The following STK32B variants were observed in gnomAD, a reference collection of about 807,000 sequenced individuals.
The protein encoded by STK32B is serine/threonine kinase 32B, also known as serine/threonine-protein kinase 32B.
In STK32B, 43 loss-of-function variants were observed where a neutral mutation model predicts 52.6. That is an observed-to-expected ratio of 0.82 (90% CI 0.64 to 1.05). The LOEUF (loss-of-function observed/expected upper bound fraction) is 1.05. Ranked by LOEUF, STK32B falls within the 50% of genes least tolerant of loss-of-function variation. The pLI, the probability that STK32B is intolerant of heterozygous loss-of-function variation, is 0.00. For missense variants in STK32B, 621 were observed against 534.6 expected (o/e 1.16, Z -1.59); for synonymous variants, 238 against 204.3 (o/e 1.17, Z -1.41).
Position 5,326,555 on chromosome 4 carries a change from G to T in STK32B, c.261-4665G>T, listed in dbSNP as rs78231136. On this transcript the variant is annotated intron_variant, in intron 3 of 11. Transcript: ENST00000282908. Reference sequence around the variant, plus strand: ...AGACAGGTCTTATTGACATTTTTTCGTTTTCTAGTGCCTTTAAAAGTTATG... The same window carrying T: ...AGACAGGTCTTATTGACATTTTTTCTTTTTCTAGTGCCTTTAAAAGTTATG... 9.2e-3 allele frequency among the ~76,000 whole-genome samples: 1,399 copies of T among 151,998 alleles called. 51 individuals carry two copies. In the East Asian group the frequency reaches 0.11, roughly 12 times the overall value.
chr4:5,140,329 T>C, intron 2 of STK32B: 3 of 1,256,864 alleles, frequency 2.4e-6, no homozygotes, highest in Non-Finnish European at 3.1e-6. Context: ...TTGTGATCTT[T>C]GACTATTTTT....
chr4:5,206,044 C>A (rs541739799), intron 3 of STK32B, among the ~76,000 whole-genome samples: 5 of 152,278 alleles, frequency 3.3e-5, no homozygotes, highest in Middle Eastern at 3.4e-3. Context: ...GGAAGTTGAA[C>A]CAAAAATCTT....
chr4:5,323,645 C>G (rs1231639293), intron 3 of STK32B, among the ~76,000 whole-genome samples: 1 of 152,226 alleles, frequency 6.6e-6, no homozygotes, highest in East Asian at 1.9e-4. Flanking sequence ...CAATGCCCCA[C>G]TTCTGTGTAG....
intron 5 of STK32B, among the ~76,000 whole-genome samples, chr4:5,407,437 G>A (rs1398227265): frequency 1.3e-5 from 2 of 152,032 alleles, no homozygotes; most frequent in Admixed American, 6.6e-5. Context: ...TTATAGCAGT[G>A]TCCCACTACT....
At chr4:5,030,197 A>G in the STK32B span, among the ~76,000 whole-genome samples, 1 of 152,236 alleles carries the variant, frequency 6.6e-6, no homozygotes, top group Non-Finnish European at 1.5e-5. Context: ...TAGAAAACCA[A>G]TACATGGACT....
intron 1 of STK32B, among the ~76,000 whole-genome samples, chr4:5,090,539 A>G (rs927637210): frequency 6.6e-6 from 1 of 151,520 alleles, no homozygotes; most frequent in Admixed American, 6.6e-5. Flanking sequence ...AATTTTTTGT[A>G]TTTTTAGTAG....
chr4:5,449,162 G>A (rs1345440523), intron 7 of STK32B, among the ~76,000 whole-genome samples: 1 of 152,184 alleles, frequency 6.6e-6, no homozygotes, highest in Non-Finnish European at 1.5e-5. Context: ...CCAATATGGT[G>A]AAACCCTGCC....
At chr4:5,451,328 T>C (rs903623912) in intron 7 of STK32B, among the ~76,000 whole-genome samples, 1 of 152,130 alleles carries the variant, frequency 6.6e-6, no homozygotes, top group African/African-American at 2.4e-5. Flanking sequence ...AAGCTAGGGC[T>C]GATTCAACAA....
At chr4:5,082,298 C>T (rs936276292) in intron 1 of STK32B, among the ~76,000 whole-genome samples, 1 of 152,172 alleles carries the variant, frequency 6.6e-6, no homozygotes, top group Non-Finnish European at 1.5e-5. Context: ...GCTCATGAGT[C>T]TTCTGCAGAG....
intron 5 of STK32B, among the ~76,000 whole-genome samples, chr4:5,413,071 G>C (rs925709051): frequency 2.0e-5 from 3 of 152,068 alleles, no homozygotes; most frequent in African/African-American, 7.2e-5. Flanking sequence ...CAGAAACCCT[G>C]TTGACAGCTT....
intron 3 of STK32B, among the ~76,000 whole-genome samples, chr4:5,313,653 G>T (rs935331023): frequency 6.6e-6 from 1 of 152,172 alleles, no homozygotes; most frequent in Non-Finnish European, 1.5e-5. Context: ...AAGTACATAT[G>T]TGTATGTGCG....
intron 3 of STK32B, among the ~76,000 whole-genome samples, chr4:5,302,168 C>T (rs1302427358): frequency 2.7e-5 from 4 of 150,498 alleles, no homozygotes; most frequent in African/African-American, 9.8e-5. Flanking sequence ...TGTGTTTTAG[C>T]AACTTTTTAT....
At chr4:5,199,893 T>C (rs1721995965) in intron 3 of STK32B, among the ~76,000 whole-genome samples, 1 of 152,142 alleles carries the variant, frequency 6.6e-6, no homozygotes, top group Admixed American at 6.5e-5. Context: ...CTGCTTTTCC[T>C]GGGGAACTAG....
intron 3 of STK32B, among the ~76,000 whole-genome samples, chr4:5,259,955 T>G (rs1726589139): frequency 6.6e-6 from 1 of 151,814 alleles, no homozygotes; most frequent in Non-Finnish European, 1.5e-5. Flanking sequence ...GGCAAGAGTT[T>G]CCACACTGAG....
At chr4:5,494,349 T>C (rs1345115446) in intron 11 of STK32B, among the ~76,000 whole-genome samples, 1 of 151,918 alleles carries the variant, frequency 6.6e-6, no homozygotes, top group Non-Finnish European at 1.5e-5. Flanking sequence ...TTGTCTCTTT[T>C]GATCTTTGTT....
chr4:5,403,160 A>C (rs1195286988), intron 5 of STK32B, among the ~76,000 whole-genome samples: 1 of 152,174 alleles, frequency 6.6e-6, no homozygotes, highest in Non-Finnish European at 1.5e-5. Context: ...GCTGGTAAAC[A>C]ACCTGCCCCA....
At position 5,072,872 on chromosome 4, in the gene STK32B, G is replaced by A. The variant is rs551412627; in HGVS notation, c.52+20957G>A. Among the ~76,000 whole-genome samples the A allele has an allele frequency of 3.3e-5, 5 of 151,990 alleles. No homozygotes were observed. In the South Asian group the frequency reaches 8.3e-4, roughly 25 times the overall value. Reference sequence around the variant, plus strand: ...TATATTTAATTTTGTCAGTGATTATGTATTTTCAAATTATGTTAATAATTA... The same window carrying A: ...TATATTTAATTTTGTCAGTGATTATATATTTTCAAATTATGTTAATAATTA... On this transcript the variant is annotated intron_variant, in intron 1 of 11. Transcript: ENST00000282908.
intron 3 of STK32B, among the ~76,000 whole-genome samples, chr4:5,301,170 T>G (rs1245632945): frequency 6.6e-6 from 1 of 152,132 alleles, no homozygotes; most frequent in East Asian, 1.9e-4. Context: ...TGTTGCTGGA[T>G]TCTGTTCCTA....
At chr4:5,486,587 T>C (rs1719230611) in intron 11 of STK32B, among the ~76,000 whole-genome samples, 1 of 152,188 alleles carries the variant, frequency 6.6e-6, no homozygotes, top group Non-Finnish European at 1.5e-5. Context: ...CTGCACCCAC[T>C]GTCCTGCACC....
Sources: allele counts gnomAD v4.1 joint callset (sites outside exome capture counted in the v4.1 genomes callset), GRCh38; gene constraint gnomAD v4.1.1; transcripts MANE v1.5; gene names NCBI Gene and HGNC (gene_info 2026-07-23, HGNC 2026-07-21).